DLG2: variants seen among roughly 807,000 people sequenced by gnomAD.
DLG2 encodes the protein discs large MAGUK scaffold protein 2.
In DLG2, 45 loss-of-function variants were observed where a neutral mutation model predicts 132.5. That is an observed-to-expected ratio of 0.34 (90% CI 0.27 to 0.44). The LOEUF is 0.44. Ranked by LOEUF, DLG2 falls within the 20% of genes least tolerant of loss-of-function variation. The probability of loss-of-function intolerance (pLI) is 1.00; values close to 1 mark genes in which losing one functional copy is unlikely to be tolerated. For synonymous variants in DLG2, 424 were observed against 419.6 expected, an observed-to-expected ratio of 1.01 and a Z score of -0.13; for missense variants, 1,045 against 1,196.9, an observed-to-expected ratio of 0.87 and a Z score of 1.87.
At chr11:84,819,076 TACACACAC>T (rs111644735) in intron 6 of DLG2, among the ~76,000 whole-genome samples, 17 of 129,420 alleles carry the variant, frequency 1.3e-4, no homozygotes, top group African/African-American at 4.4e-4. Context: ...CACTCACAAA[TACACACAC>T]ACACACACAC....
chr11:84,194,521 A>G (rs2096478219), intron 8 of DLG2, among the ~76,000 whole-genome samples: 1 of 152,338 alleles, frequency 6.6e-6, no homozygotes, highest in South Asian at 2.1e-4. Flanking sequence ...TGGCTTGGGC[A>G]GTCTGCTTTT....
chr11:84,465,311 T>C (rs1241694536), intron 7 of DLG2, among the ~76,000 whole-genome samples: 2 of 151,234 alleles, frequency 1.3e-5, no homozygotes, highest in South Asian at 2.1e-4. Flanking sequence ...CCAGATGGCT[T>C]CTGCCAGTGG....
chr11:84,759,600 A>G (rs1306736155), intron 6 of DLG2, among the ~76,000 whole-genome samples: 2 of 152,234 alleles, frequency 1.3e-5, no homozygotes, highest in East Asian at 1.9e-4. Flanking sequence ...TTTTGAATGT[A>G]GTTATTGGGA....
At chr11:84,559,160 T>C (rs910785955) in intron 6 of DLG2, among the ~76,000 whole-genome samples, 1 of 152,176 alleles carries the variant, frequency 6.6e-6, no homozygotes, top group African/African-American at 2.4e-5. Flanking sequence ...GAGTGATGTA[T>C]GTTTCCTATC....
At chr11:83,469,126 CAA>C (rs11464149) in intron 25 of DLG2, 73 bp downstream of exon 25, 5,799 of 966,882 alleles carry the variant, frequency 6.0e-3, no homozygotes, top group South Asian at 0.014. Flanking sequence ...GAGTAATGAC[CAA>C]AAAAAAAAAA....
intron 7 of DLG2, among the ~76,000 whole-genome samples, chr11:84,411,332 T>C: frequency 6.6e-6 from 1 of 152,234 alleles, no homozygotes; most frequent in East Asian, 1.9e-4. Flanking sequence ...TTGCTGGCAC[T>C]GTGGACATAT....
At chr11:84,527,533 A>C (rs1025243036) in intron 7 of DLG2, among the ~76,000 whole-genome samples, 7 of 152,164 alleles carry the variant, frequency 4.6e-5, no homozygotes, top group African/African-American at 1.7e-4. Context: ...ACATACTCCT[A>C]ATTTCCAGCA....
At chr11:84,036,860 G>A (rs2095876396) in intron 11 of DLG2, among the ~76,000 whole-genome samples, 1 of 152,204 alleles carries the variant, frequency 6.6e-6, no homozygotes, top group South Asian at 2.1e-4. Context: ...TTAGAAGAGA[G>A]CAATCCAATT....
intron 7 of DLG2, among the ~76,000 whole-genome samples, chr11:84,351,847 G>A (rs188928179): frequency 2.5e-4 from 38 of 152,244 alleles, no homozygotes; most frequent in Non-Finnish European, 3.7e-4. Context: ...TAGAATGGAC[G>A]CACTATGCTC....
intron 3 of DLG2, among the ~76,000 whole-genome samples, chr11:85,460,680 C>T (rs897408426): frequency 6.6e-6 from 1 of 152,214 alleles, no homozygotes; most frequent in African/African-American, 2.4e-5. Context: ...CCCATGATCA[C>T]CCCTCACTTT....
intron 4 of DLG2, among the ~76,000 whole-genome samples, chr11:85,201,882 A>C (rs1469143077): frequency 6.6e-6 from 1 of 151,370 alleles, no homozygotes; most frequent in African/African-American, 2.4e-5. Flanking sequence ...TGTCAGAGAA[A>C]TGTAACAGAT....
intron 7 of DLG2, chr11:84,317,314 C>A: frequency 1.4e-6 from 2 of 1,433,630 alleles, no homozygotes; most frequent in Non-Finnish European, 1.8e-6. Flanking sequence ...GGAGCAGCGA[C>A]AGCAGCTCCG....
chr11:85,261,916 T>C (rs1315584430), intron 4 of DLG2, among the ~76,000 whole-genome samples: 1 of 151,668 alleles, frequency 6.6e-6, no homozygotes, highest in East Asian at 1.9e-4. Flanking sequence ...AAAGTGAAGG[T>C]GGTTTGTCAG....
At chr11:84,395,903 A>G (rs2154443954) in intron 7 of DLG2, among the ~76,000 whole-genome samples, 1 of 152,364 alleles carries the variant, frequency 6.6e-6, no homozygotes, top group East Asian at 1.9e-4. Context: ...TCAGAAACAG[A>G]AGTCCTTGTT....
chr11:85,050,475 C>T (rs2062787076), intron 6 of DLG2, among the ~76,000 whole-genome samples: 1 of 152,038 alleles, frequency 6.6e-6, no homozygotes, highest in South Asian at 2.1e-4. Flanking sequence ...AGTTTCACTA[C>T]CGTAAATGCA....
intron 18 of DLG2, among the ~76,000 whole-genome samples, chr11:83,670,418 A>C (rs2076640924): frequency 1.3e-5 from 2 of 152,024 alleles, no homozygotes; most frequent in Admixed American, 1.3e-4. Context: ...CTATATATGG[A>C]GTCTCAATAC....
chr11:83,662,651 G>A (rs1233796122), intron 18 of DLG2, among the ~76,000 whole-genome samples: 5 of 152,140 alleles, frequency 3.3e-5, no homozygotes, highest in Admixed American at 2.6e-4. Flanking sequence ...GCACATAGGA[G>A]GTGCCTGTTC....
intron 3 of DLG2, among the ~76,000 whole-genome samples, chr11:85,593,795 T>C (rs2079536081): frequency 1.3e-5 from 2 of 152,182 alleles, no homozygotes; most frequent in African/African-American, 2.4e-5. Flanking sequence ...TAGGAAAATA[T>C]GTAGGGTTTT....
At chr11:84,739,435 T>C (rs1266852048) in intron 6 of DLG2, among the ~76,000 whole-genome samples, 1 of 152,178 alleles carries the variant, frequency 6.6e-6, no homozygotes, top group Admixed American at 6.5e-5. Flanking sequence ...TTTCTAGAAC[T>C]AGAAAATATT....
Sources: allele counts gnomAD v4.1 joint callset (sites outside exome capture counted in the v4.1 genomes callset), GRCh38; gene constraint gnomAD v4.1.1; transcripts MANE v1.5; gene names NCBI Gene and HGNC (gene_info 2026-07-23, HGNC 2026-07-21).